Variants in WAPL observed in about 807,000 individuals in gnomAD.
The protein encoded by WAPL is WAPL cohesin release factor.
A neutral mutation model predicts 121.0 loss-of-function variants in WAPL; 5 were observed. That is an observed-to-expected ratio of 0.04 (90% CI 0.02 to 0.09). WAPL has a LOEUF of 0.09. Ranked by LOEUF, WAPL falls within the 10% of genes least tolerant of loss-of-function variation. The pLI, the probability that WAPL is intolerant of heterozygous loss-of-function variation, is 1.00. For missense variants in WAPL, 999 were observed against 1,410.8 expected, an observed-to-expected ratio of 0.71 and a Z score of 4.68; for synonymous variants, 480 against 481.5, an observed-to-expected ratio of 1.00 and a Z score of 0.04.
intron 4 of WAPL, among the ~76,000 whole-genome samples, chr10:86,477,576 G>A (rs1589517197): frequency 6.6e-6 from 1 of 152,168 alleles, no homozygotes; most frequent in African/African-American, 2.4e-5. Flanking sequence ...GCCGAGACAG[G>A]TGGATCACCT....
At chr10:86,518,662 T>C (rs1014578309) in intron 1 of WAPL, among the ~76,000 whole-genome samples, 5 of 152,186 alleles carry the variant, frequency 3.3e-5, no homozygotes, top group African/African-American at 1.2e-4. Flanking sequence ...GATATAATGA[T>C]AACCTGTATA....
chr10:86,459,179 T>G, intron 11 of WAPL, 114 bp from the exon 12 acceptor site: 1 of 769,140 alleles, frequency 1.3e-6, no homozygotes, highest in Non-Finnish European at 2.0e-6. Flanking sequence ...AAACAGCCCT[T>G]GTTACCAAAG....
intron 2 of WAPL, among the ~76,000 whole-genome samples, chr10:86,514,957 T>C (rs1383568713): frequency 6.6e-6 from 1 of 152,142 alleles, no homozygotes; most frequent in African/African-American, 2.4e-5. Context: ...GTAGATTATC[T>C]GAAAACATCA....
At chr10:86,511,064 G>A (rs1443555992) in intron 2 of WAPL, among the ~76,000 whole-genome samples, 3 of 151,702 alleles carry the variant, frequency 2.0e-5, no homozygotes, top group African/African-American at 2.4e-5. Context: ...CTGGGCTCAC[G>A]CCATCCTCCC....
At chr10:86,505,084 CATG>C (rs1171764711) in intron 2 of WAPL, among the ~76,000 whole-genome samples, 1 of 151,896 alleles carries the variant, frequency 6.6e-6, no homozygotes, top group Admixed American at 6.6e-5. Context: ...TAACTGTGAT[CATG>C]ATGTAGTACA....
chr10:86,497,059 T>TTATA, intron 4 of WAPL, 142 bp downstream of exon 4: 1 of 648,140 alleles, frequency 1.5e-6, no homozygotes, highest in Admixed American at 3.2e-5. Context: ...TAAAAAATGG[T>TTATA]TATATCTGAA....
At chr10:86,474,121 C>G in intron 4 of WAPL, 148 bp from the exon 5 acceptor site, 1 of 649,052 alleles carries the variant, frequency 1.5e-6, no homozygotes, top group African/African-American at 1.8e-5. Flanking sequence ...AATTCCCATT[C>G]TCATGTCTAT....
intron 4 of WAPL, among the ~76,000 whole-genome samples, chr10:86,487,612 C>T (rs893237807): frequency 1.3e-5 from 2 of 152,078 alleles, no homozygotes; most frequent in African/African-American, 2.4e-5. Flanking sequence ...CTTTCTGGGC[C>T]AGGTGTGGTG....
intron 18 of WAPL, 84 bp downstream of exon 18, chr10:86,437,836 C>T: frequency 8.8e-7 from 1 of 1,130,862 alleles, no homozygotes. Flanking sequence ...TTTGCTCCCA[C>T]TTACTATGGC....
intron 2 of WAPL, among the ~76,000 whole-genome samples, chr10:86,507,673 T>C (rs1455240439): frequency 1.3e-5 from 2 of 151,810 alleles, no homozygotes; most frequent in Non-Finnish European, 2.9e-5. Flanking sequence ...TTGCCGTATA[T>C]CCTAAAATGC....
rs555895386 is a variant in WAPL, at chr10:86,503,643, C to T, written c.500-2900G>A. Among the ~76,000 whole-genome samples the T allele has an allele frequency of 1.8e-3, 266 of 151,890 alleles. 1 individual carries two copies. The highest frequency in any genetic ancestry group is 3.0e-3 in the Non-Finnish European group (201 of 67,956). On this transcript the variant is annotated intron_variant, in intron 2 of 18. Coordinates refer to ENST00000298767, the MANE Select transcript of WAPL (RefSeq NM_015045.5). Reference sequence around the variant, plus strand: ...TGGCGGGCATCTGTAGTTCCAGCTACCCGGGAGGCTGAGGCAGGAGAATGG... The same window carrying T: ...TGGCGGGCATCTGTAGTTCCAGCTATCCGGGAGGCTGAGGCAGGAGAATGG...
chr10:86,437,345 T>G lies in WAPL; in HGVS notation c.*198A>C. The G allele has an allele frequency of 3.7e-6, 2 of 543,334 alleles. No individual in the cohort carries two copies. Among genetic ancestry groups the G allele is most frequent in the Non-Finnish European group, 6.4e-6 (2 of 311,336 alleles). 33.7% of individuals were successfully genotyped at this position (543,334 alleles called of 1,614,324 possible). A position where few individuals can be genotyped will look rare whatever the true frequency, so the allele number is the denominator to read the frequency against. On this transcript the variant is annotated 3_prime_UTR_variant, in exon 19 of 19. Transcript: ENST00000298767. Reference sequence around the variant, plus strand: ...AACCTTTTCCCCTCATTTTTGATAGTTGCAGATTGATGTAGTAACTGTCAT... The same window carrying G: ...AACCTTTTCCCCTCATTTTTGATAGGTGCAGATTGATGTAGTAACTGTCAT...
chr10:86,513,262 T>C (rs1842498982), intron 2 of WAPL, among the ~76,000 whole-genome samples: 1 of 151,498 alleles, frequency 6.6e-6, no homozygotes, highest in South Asian at 2.1e-4. Context: ...CCTCCCAAAG[T>C]GCTGGATTAC....
At position 86,466,590 on chromosome 10, in the gene WAPL, A is replaced by G. The variant is rs2132187324; in HGVS notation, c.2370+689T>C. Among the ~76,000 whole-genome samples, 2 of 152,306 alleles carry G rather than the reference A, an allele frequency of 1.3e-5. 1 individual carries two copies. Among genetic ancestry groups the G allele is most frequent in the Middle Eastern group, 6.8e-3 (2 of 294 alleles). On this transcript the variant is annotated intron_variant, in intron 9 of 18. Coordinates refer to ENST00000298767, the MANE Select transcript of WAPL (RefSeq NM_015045.5). ...ATCTCAAAAAACAGTAATTATTACT[A>G]TTATTATAAAATAAAAATTAAAAAA...
chr10:86,496,599 T>G (rs939896733), intron 4 of WAPL, among the ~76,000 whole-genome samples: 3 of 152,178 alleles, frequency 2.0e-5, no homozygotes. Context: ...GGTGTGGTGG[T>G]GTGTGTATGT....
At chr10:86,445,756 T>C (rs1849601547) in intron 16 of WAPL, among the ~76,000 whole-genome samples, 1 of 152,084 alleles carries the variant, frequency 6.6e-6, no homozygotes, top group Non-Finnish European at 1.5e-5. Flanking sequence ...TAGCCTCAAG[T>C]AATCCTCCTG....
chr10:86,444,565 C>T (rs1307620117), intron 16 of WAPL, among the ~76,000 whole-genome samples: 1 of 152,104 alleles, frequency 6.6e-6, no homozygotes, highest in African/African-American at 2.4e-5. Flanking sequence ...AGAAGCCAGT[C>T]ATAAAAGGCA....
At chr10:86,519,076 T>C (rs1303392971) in intron 1 of WAPL, among the ~76,000 whole-genome samples, 2 of 152,182 alleles carry the variant, frequency 1.3e-5, no homozygotes, top group African/African-American at 4.8e-5. Flanking sequence ...AACTTTTATT[T>C]TCCTTTTCAA....
chr10:86,437,501 T>C lies in WAPL; in HGVS notation c.*42A>G, dbSNP rs755790539. 6 of 1,595,844 alleles carry C rather than the reference T, an allele frequency of 3.8e-6. No homozygotes were observed. The highest frequency in any genetic ancestry group is 2.2e-5 in the South Asian group (2 of 89,064). On this transcript the variant is annotated 3_prime_UTR_variant, in exon 19 of 19. Coordinates refer to ENST00000298767, the MANE Select transcript of WAPL (RefSeq NM_015045.5). ...GACTTGACTTTTCTTTGTCTAAGGA[T>C]AGCTCCAGCATTACCGAGCACCTGA...
Sources: allele counts gnomAD v4.1 joint callset (sites outside exome capture counted in the v4.1 genomes callset), GRCh38; gene constraint gnomAD v4.1.1; transcripts MANE v1.5; gene names NCBI Gene and HGNC (gene_info 2026-07-23, HGNC 2026-07-21).